Variants in PWWP2A observed in about 807,000 individuals in gnomAD.
PWWP2A encodes the protein PWWP domain containing 2A, also known as PWWP domain-containing protein 2A.
PWWP2A carries 18 observed loss-of-function variants against 48.5 expected under a neutral mutation model. That is an observed-to-expected ratio of 0.37 (90% CI 0.26 to 0.55). The LOEUF (loss-of-function observed/expected upper bound fraction) is 0.55, where lower values mean the gene tolerates loss of function less well. PWWP2A is among the 20% of genes least tolerant of loss of function. The pLI is 0.81. For synonymous variants in PWWP2A, 396 were observed against 387.7 expected, an observed-to-expected ratio of 1.02 and a Z score of -0.25; for missense variants, 867 against 976.4, an observed-to-expected ratio of 0.89 and a Z score of 1.49.
At position 160,093,114 on chromosome 5, in the gene PWWP2A, A is replaced by G; in HGVS notation, c.1536T>C (p.Ser512=). 1.9e-6 allele frequency: 3 copies of G among 1,613,902 alleles called. No individual in the cohort carries two copies. Among genetic ancestry groups the G allele is most frequent in the Non-Finnish European group, 1.7e-6 (2 of 1,179,860 alleles). The part of the protein sequence containing the change: ...MAPKPQSRCT[S]TRSAGEAPSE... Reference sequence around the variant, plus strand: ...AAGGGGCCTCACCTGCTGAGCGGGTAGAGGTGCAGCGAGACTGGGGCTTGG... The same window carrying G: ...AAGGGGCCTCACCTGCTGAGCGGGTGGAGGTGCAGCGAGACTGGGGCTTGG... The change falls in exon 2 of 2, where the codon TCT becomes TCC. Residue 512 remains serine, a synonymous_variant. Transcript: ENST00000307063. The surrounding 1 kb of genome is among the most constrained non-coding windows in gnomAD (Gnocchi z 5.8).
chr5:160,080,468 G>C (rs1307726091), intron 3 of PWWP2A, among the ~76,000 whole-genome samples: 3 of 152,118 alleles, frequency 2.0e-5, no homozygotes, highest in African/African-American at 7.2e-5. Flanking sequence ...AGTATCAATG[G>C]AAAGTTATTT....
chr5:160,058,555 T>C (rs550319913), downstream of PWWP2A, among the ~76,000 whole-genome samples: 2 of 151,930 alleles, frequency 1.3e-5, no homozygotes, highest in African/African-American at 4.8e-5. Context: ...GGACTACAGG[T>C]GCCCACCACC....
At chr5:160,103,115 A>G (rs1025612017) in intron 1 of PWWP2A, among the ~76,000 whole-genome samples, 1 of 152,254 alleles carries the variant, frequency 6.6e-6, no homozygotes, top group African/African-American at 2.4e-5. Flanking sequence ...TTCAGGAAAC[A>G]AATTTATTTA....
At chr5:160,095,765 G>T (rs980163827) in intron 1 of PWWP2A, among the ~76,000 whole-genome samples, 1 of 142,534 alleles carries the variant, frequency 7.0e-6, no homozygotes, top group African/African-American at 2.6e-5. Context: ...TACCATCACA[G>T]CTCACTGCAG....
intron 4 of PWWP2A, chr5:160,065,174 G>A: frequency 1.4e-6 from 2 of 1,469,784 alleles, no homozygotes; most frequent in Non-Finnish European, 1.8e-6. Context: ...TTATCTAAAA[G>A]AAAGGCTATC....
downstream of PWWP2A, among the ~76,000 whole-genome samples, chr5:160,071,265 G>GGTAA (rs1289373725): frequency 1.3e-5 from 2 of 152,146 alleles, no homozygotes; most frequent in African/African-American, 4.8e-5. Context: ...TGAGACTACT[G>GGTAA]GTAAGTAACA....
At chr5:160,113,727 C>T (rs1294442589) in intron 1 of PWWP2A, among the ~76,000 whole-genome samples, 1 of 152,200 alleles carries the variant, frequency 6.6e-6, no homozygotes, top group Non-Finnish European at 1.5e-5. Context: ...ATCTGCTTGG[C>T]TCCAACAACT....
At chr5:160,051,194 T>C in the PWWP2A span, 2 of 1,606,228 alleles carry the variant, frequency 1.2e-6, no homozygotes, top group Non-Finnish European at 1.7e-6. Context: ...GTAAGCTTAC[T>C]TCTTACTTTG....
chr5:160,069,199 T>C (rs911866267), intron 2 of PWWP2A, among the ~76,000 whole-genome samples: 1 of 151,938 alleles, frequency 6.6e-6, no homozygotes, highest in African/African-American at 2.4e-5. Flanking sequence ...GCAGGAGGAT[T>C]GCTTGAGCCC....
intron 1 of PWWP2A, among the ~76,000 whole-genome samples, chr5:160,097,706 T>TGG (rs35915060): frequency 0.011 from 1,148 of 107,918 alleles, 30 homozygotes; most frequent in Non-Finnish European, 0.013. Context: ...GTTTTTTTTT[T>TGG]GGGGGGGGGG....
At chr5:160,102,439 G>A (rs1449689558) in intron 1 of PWWP2A, among the ~76,000 whole-genome samples, 1 of 150,302 alleles carries the variant, frequency 6.7e-6, no homozygotes, top group Non-Finnish European at 1.5e-5. Context: ...AGGCATGGTG[G>A]CTCAAGCCTA....
chr5:160,099,464 TTCTGTGAA>T (rs1224505674), intron 1 of PWWP2A, among the ~76,000 whole-genome samples: 6 of 152,072 alleles, frequency 3.9e-5, no homozygotes, highest in African/African-American at 1.2e-4. Flanking sequence ...AAATAAAACT[TTCTGTGAA>T]TCTGTAATAC....
rs73311115 is a variant in PWWP2A at position 160,078,800 on chromosome 5, G to A, written c.1670-632C>T. Among the ~76,000 whole-genome samples, 1,663 of 152,210 alleles carry A rather than the reference G, an allele frequency of 0.011. 31 individuals carry two copies. The highest frequency in any genetic ancestry group is 0.038 in the African/African-American group (1,584 of 41,518). ...GACAACACATGTACACTGGTTAGAC[G>A]GACCAGTATCCCTTGTTACACCAGC... On this transcript the variant is annotated intron_variant, in intron 3 of 3. Coordinates refer to the PWWP2A transcript ENST00000456329. This position sits in a 1 kb window ranked among gnomAD's most constrained non-coding sequence, Gnocchi z 4.2.
intron 5 of PWWP2A, among the ~76,000 whole-genome samples, chr5:160,062,392 C>T (rs1161224794): frequency 1.3e-5 from 2 of 152,172 alleles, no homozygotes; most frequent in Admixed American, 1.3e-4. Context: ...GACCTATTCC[C>T]ATCCCCCGGA....
chr5:160,075,369 T>C (rs760303451), downstream of PWWP2A, among the ~76,000 whole-genome samples: 12 of 152,146 alleles, frequency 7.9e-5, no homozygotes, highest in Non-Finnish European at 1.8e-4. Context: ...AAAAAAAAAG[T>C]ACATTGACCT....
chr5:160,087,139 G>A (rs1036121721), downstream of PWWP2A, among the ~76,000 whole-genome samples: 1 of 152,076 alleles, frequency 6.6e-6, no homozygotes, highest in Non-Finnish European at 1.5e-5. Flanking sequence ...CACTTTGTTG[G>A]GGGCCAAGAC....
At chr5:160,051,217 C>T in the PWWP2A span, 1 of 1,565,888 alleles carries the variant, frequency 6.4e-7, no homozygotes, top group Non-Finnish European at 8.7e-7. Context: ...TGATCATAAA[C>T]AGCTAGGAAC....
At chr5:160,091,155 T>C (rs1755025471), downstream of PWWP2A, 1 of 976,954 alleles carries the variant, frequency 1.0e-6, no homozygotes, top group African/African-American at 1.8e-5. Flanking sequence ...AAAATCTTAT[T>C]TTGAGAATAT....
chr5:160,060,040 G>A (rs1471865155), downstream of PWWP2A, among the ~76,000 whole-genome samples: 2 of 152,224 alleles, frequency 1.3e-5, no homozygotes, highest in African/African-American at 4.8e-5. Flanking sequence ...TCCTTTCTAT[G>A]CTGGGCTCTC....
Sources: gnomAD v4.1 joint callset for allele counts (sites outside exome capture counted in the v4.1 genomes callset) on GRCh38, gnomAD v4.1.1 for gene constraint, Gnocchi (gnomAD v3.1) non-coding constraint, MANE v1.5 for transcripts, NCBI Gene and HGNC (gene_info 2026-07-23, HGNC 2026-07-21) for gene names.